The following GLT1D1 variants were observed in gnomAD, a reference collection of about 807,000 sequenced individuals.
GLT1D1 encodes the protein glycosyltransferase 1 domain-containing protein 1.
GLT1D1 carries 21 observed loss-of-function variants against 28.7 expected under a neutral mutation model. The observed-to-expected ratio is 0.73, with a 90% confidence interval of 0.52 to 1.05. The LOEUF (loss-of-function observed/expected upper bound fraction) is 1.05. GLT1D1 is among the 50% of genes least tolerant of loss of function. The probability of loss-of-function intolerance (pLI) is 0.00; values close to 1 mark genes in which losing one functional copy is unlikely to be tolerated. For missense variants in GLT1D1, 343 were observed against 330.6 expected, an observed-to-expected ratio of 1.04 and a Z score of -0.29; for synonymous variants, 147 against 124.8, an observed-to-expected ratio of 1.18 and a Z score of -1.19.
At chr12:128,947,112 T>C (rs563562131) in intron 5 of GLT1D1, among the ~76,000 whole-genome samples, 2 of 152,326 alleles carry the variant, frequency 1.3e-5, no homozygotes, top group Admixed American at 1.3e-4. Context: ...TTATGGAGCA[T>C]ATGGAAAACA....
chr12:128,868,197 C>T (rs1956594929), intron 1 of GLT1D1, among the ~76,000 whole-genome samples: 1 of 152,222 alleles, frequency 6.6e-6, no homozygotes, highest in Admixed American at 6.5e-5. Context: ...AATCTTCTCG[C>T]CAGCCCCTCC....
chr12:128,931,963 C>T (rs1233331136), intron 4 of GLT1D1, among the ~76,000 whole-genome samples: 1 of 150,734 alleles, frequency 6.6e-6, no homozygotes, highest in Non-Finnish European at 1.5e-5. Flanking sequence ...GTATGTCCTA[C>T]AAAATGCATC....
intron 7 of GLT1D1, among the ~76,000 whole-genome samples, chr12:128,974,721 T>C (rs1299051607): frequency 6.6e-6 from 1 of 152,220 alleles, no homozygotes; most frequent in Non-Finnish European, 1.5e-5. Flanking sequence ...GCCTTAGACC[T>C]CGCTGGAGAT....
chr12:128,889,168 C>T lies in GLT1D1; in HGVS notation c.323+424C>T, dbSNP rs140363662. On this transcript the variant is annotated intron_variant, in intron 3 of 7. Transcript: ENST00000281703. ...ACAAGTGTTCTGGATGTAGAAAACA[C>T]GAATCACAGGCAAACTCCAGCCTTA... Among the ~76,000 whole-genome samples the T allele has an allele frequency of 4.0e-3, 601 of 151,992 alleles. 7 individuals are homozygous for T. The highest frequency in any genetic ancestry group is 0.014 in the African/African-American group (577 of 41,474).
chr12:128,870,452 GCTTTTGTTTTCAAGAAAGC>G (rs1956654547), intron 1 of GLT1D1, among the ~76,000 whole-genome samples: 1 of 152,100 alleles, frequency 6.6e-6, no homozygotes, highest in Non-Finnish European at 1.5e-5. Flanking sequence ...TATGGGAGAT[GCTTTTGTTTTCAAGAAAGC>G]CTTTTTAAAT....
Position 128,984,630 on chromosome 12 carries a change from C to T in GLT1D1, c.*1540C>T, listed in dbSNP as rs1271113508. The stretch of plus-strand genomic sequence containing the variant: ...CCTCTGAGGGGCCCAAGGGTTATGG[C>T]TTTCATGTCTAGGTGTGGGGACAGA... On this transcript the variant is annotated 3_prime_UTR_variant, in exon 8 of 8. Transcript: ENST00000281703. The T allele has an allele frequency of 2.0e-5, 3 of 151,992 alleles. No individual in the cohort carries two copies. Among genetic ancestry groups the T allele is most frequent in the African/African-American group, 7.3e-5 (3 of 41,366 alleles). 9.4% of individuals were successfully genotyped at this position (151,992 alleles called of 1,614,324 possible).
chr12:128,910,266 T>G (rs1173813065), intron 4 of GLT1D1, among the ~76,000 whole-genome samples: 1 of 58,998 alleles, frequency 1.7e-5, no homozygotes, highest in African/African-American at 4.8e-5. Context: ...GTTTAACTCT[T>G]TTTTTTTTTT....
At chr12:128,927,878 T>G (rs1033564798) in intron 4 of GLT1D1, among the ~76,000 whole-genome samples, 8 of 150,308 alleles carry the variant, frequency 5.3e-5, no homozygotes, top group African/African-American at 2.0e-4. Flanking sequence ...TGGGTGCCTA[T>G]AATCCCAGCT....
intron 4 of GLT1D1, among the ~76,000 whole-genome samples, chr12:128,941,905 C>CTTTTTTTTTTTTT (rs60663875): frequency 1.3e-5 from 1 of 75,366 alleles, no homozygotes; most frequent in African/African-American, 5.5e-5. Context: ...CTCTCTCTCT[C>CTTTTTTTTTTTTT]TTTTTTTTTT....
intron 4 of GLT1D1, among the ~76,000 whole-genome samples, chr12:128,912,733 G>A (rs1871671098): frequency 2.0e-5 from 3 of 152,006 alleles, no homozygotes; most frequent in Admixed American, 2.0e-4. Context: ...TGCGATCTCG[G>A]CTTACTGCAA....
At chr12:128,877,593 G>A (rs1396600241) in intron 2 of GLT1D1, among the ~76,000 whole-genome samples, 1 of 152,124 alleles carries the variant, frequency 6.6e-6, no homozygotes, top group East Asian at 1.9e-4. Flanking sequence ...ATGTAACTGA[G>A]TGGTATAGTA....
intron 4 of GLT1D1, among the ~76,000 whole-genome samples, chr12:128,909,331 T>A (rs1436939949): frequency 2.6e-5 from 4 of 151,716 alleles, no homozygotes. Context: ...ATTACTTTCT[T>A]TTTTTTTATG....
chr12:128,968,685 C>G (rs1030981393), intron 7 of GLT1D1, among the ~76,000 whole-genome samples: 4 of 152,050 alleles, frequency 2.6e-5, no homozygotes, highest in Non-Finnish European at 5.9e-5. Flanking sequence ...ACTAGGACAA[C>G]AGATGTAAAC....
At chr12:128,874,059 C>CTTT (rs1956774983) in intron 1 of GLT1D1, among the ~76,000 whole-genome samples, 11 of 34,670 alleles carry the variant, frequency 3.2e-4, no homozygotes, top group East Asian at 1.8e-3. Context: ...CTCCCTCCCT[C>CTTT]CTTTCTTTCT....
chr12:128,968,238 G>T (rs549360478), intron 7 of GLT1D1, among the ~76,000 whole-genome samples: 2 of 151,702 alleles, frequency 1.3e-5, no homozygotes, highest in Admixed American at 1.3e-4. Flanking sequence ...CTCGTGATCC[G>T]CCTGCCTCGG....
At chr12:128,899,432 T>C (rs1869997331) in intron 4 of GLT1D1, 145 bp downstream of exon 4, 2 of 686,098 alleles carry the variant, frequency 2.9e-6, no homozygotes, top group African/African-American at 1.8e-5. Flanking sequence ...TTCCCATAGA[T>C]TGATTTTGTA....
intron 6 of GLT1D1, among the ~76,000 whole-genome samples, chr12:128,950,972 G>A (rs996701041): frequency 6.6e-6 from 1 of 152,194 alleles, no homozygotes; most frequent in Non-Finnish European, 1.5e-5. Context: ...ACGTCATGGC[G>A]ACTACAGTTA....
intron 7 of GLT1D1, among the ~76,000 whole-genome samples, chr12:128,965,509 C>G (rs1878362880): frequency 6.6e-6 from 1 of 152,042 alleles, no homozygotes; most frequent in Non-Finnish European, 1.5e-5. Context: ...CTTGCAGAAA[C>G]CATGAGACAA....
intron 7 of GLT1D1, among the ~76,000 whole-genome samples, chr12:128,975,657 G>T (rs1166903715): frequency 6.6e-6 from 1 of 152,100 alleles, no homozygotes; most frequent in Non-Finnish European, 1.5e-5. Flanking sequence ...TCACCATGTT[G>T]GCCAGGCTGG....
Sources: allele counts gnomAD v4.1 joint callset (sites outside exome capture counted in the v4.1 genomes callset), GRCh38; gene constraint gnomAD v4.1.1; transcripts MANE v1.5; gene names NCBI Gene and HGNC (gene_info 2026-07-23, HGNC 2026-07-21).